Variants in ASB3 observed in about 807,000 individuals in gnomAD.
ASB3 encodes the protein ankyrin repeat and SOCS box protein 3.
In ASB3, 41 loss-of-function variants were observed where a neutral mutation model predicts 54.5. That is an observed-to-expected ratio of 0.75 (90% CI 0.59 to 0.98). The LOEUF is 0.98. Among genes scored for constraint, ASB3 ranks in the 50% least tolerant of loss-of-function variants. The pLI is 0.00. For synonymous variants in ASB3, 266 were observed against 221.2 expected (o/e 1.20, Z -1.80); for missense variants, 733 against 620.0 (o/e 1.18, Z -1.94).
intron 6 of ASB3, among the ~76,000 whole-genome samples, chr2:53,715,852 A>T (rs1388285277): frequency 6.6e-6 from 1 of 152,184 alleles, no homozygotes; most frequent in Non-Finnish European, 1.5e-5. Context: ...ATATTTTACT[A>T]TTACTTTTTA....
At chr2:53,769,537 C>T (rs190937072) in intron 1 of ASB3, among the ~76,000 whole-genome samples, 34 of 152,284 alleles carry the variant, frequency 2.2e-4, no homozygotes, top group Admixed American at 1.2e-3. Context: ...CACAACAGTC[C>T]GTGATTCTTT....
intron 2 of ASB3, among the ~76,000 whole-genome samples, chr2:53,759,100 A>G (rs1363595286): frequency 6.6e-6 from 1 of 152,202 alleles, no homozygotes; most frequent in African/African-American, 2.4e-5. Flanking sequence ...GAGTTTGGCA[A>G]TCTCTGGTAT....
intron 7 of ASB3, among the ~76,000 whole-genome samples, chr2:53,708,679 A>G (rs1034228432): frequency 3.3e-5 from 5 of 152,202 alleles, no homozygotes; most frequent in African/African-American, 1.2e-4. Context: ...TGGGCTGACA[A>G]GGTCTCAGAT....
chr2:53,728,824 C>A lies in ASB3; in HGVS notation c.492G>T (p.Leu164Phe). The change falls in exon 5 of 10, where the codon TTG (leucine) becomes TTT (phenylalanine). Residue 164 changes from leucine to phenylalanine, a missense_variant. Coordinates refer to ENST00000263634, the MANE Select transcript of ASB3 (RefSeq NM_016115.5). ...CCTTGTTTGCTCCTTTTCTAAGAAG[C>A]AATTTTATGATCTCAGCATTTTCCT... Reference protein sequence around the residue: ...SFQENAEIIKLLLRKGANKEC... With the variant: ...SFQENAEIIKFLLRKGANKEC... 2 of 1,609,916 alleles carry A rather than the reference C, an allele frequency of 1.2e-6. No homozygotes were observed. Among genetic ancestry groups the A allele is most frequent in the Non-Finnish European group, 1.7e-6 (2 of 1,177,892 alleles).
At chr2:53,748,287 TA>T (rs1333158250) in intron 3 of ASB3, 7 of 152,232 alleles carry the variant, frequency 4.6e-5, no homozygotes, top group African/African-American at 1.7e-4. Flanking sequence ...TCACCTTTTT[TA>T]CTCCTCCACG....
intron 5 of ASB3, among the ~76,000 whole-genome samples, chr2:53,724,676 T>C (rs942675176): frequency 2.0e-5 from 3 of 150,346 alleles, no homozygotes; most frequent in Non-Finnish European, 4.4e-5. Context: ...AACAAACACA[T>C]GAAGAATTGC....
chr2:53,679,018 A>G (rs1226487151), intron 9 of ASB3, among the ~76,000 whole-genome samples: 1 of 152,050 alleles, frequency 6.6e-6, no homozygotes, highest in African/African-American at 2.4e-5. Flanking sequence ...TGGAGACCTC[A>G]GGTCCCAACT....
rs1198746247 is a variant in ASB3, at chr2:53,782,805, A to C, written c.-14+4016T>G. ...AGAGCTCAATAATTTTTTTTTTTTT[A>C]GATGAAGTTTCACTTTTGTCATCCA... is the stretch of plus-strand genomic sequence containing the variant. On this transcript the variant is annotated intron_variant, in intron 1 of 9. Coordinates refer to ENST00000263634, the MANE Select transcript of ASB3 (RefSeq NM_016115.5). 2.0e-5 allele frequency among the ~76,000 whole-genome samples: 3 copies of C among 151,206 alleles called. No individual in the cohort carries two copies. The East Asian group carries it at 5.8e-4, about 29-fold the overall frequency.
chr2:53,758,093 A>T (rs1672936588), intron 2 of ASB3, among the ~76,000 whole-genome samples: 1 of 152,206 alleles, frequency 6.6e-6, no homozygotes, highest in Non-Finnish European at 1.5e-5. Flanking sequence ...TATTCCTTTA[A>T]AAGCCAGGGT....
intron 1 of ASB3, among the ~76,000 whole-genome samples, chr2:53,769,411 A>T (rs1359724787): frequency 2.0e-5 from 3 of 152,252 alleles, no homozygotes; most frequent in African/African-American, 7.2e-5. Context: ...ATATTTATGT[A>T]TGTGGCTATA....
At chr2:53,707,858 A>T (rs1669872025) in intron 7 of ASB3, among the ~76,000 whole-genome samples, 2 of 149,890 alleles carry the variant, frequency 1.3e-5, no homozygotes, top group Admixed American at 6.7e-5. Context: ...GCTATTCAGG[A>T]GGCTGACGCA....
intron 1 of ASB3, among the ~76,000 whole-genome samples, chr2:53,785,705 C>T (rs1434632212): frequency 1.3e-5 from 2 of 152,062 alleles, no homozygotes; most frequent in Admixed American, 6.5e-5. Flanking sequence ...TAGGGTGTAG[C>T]GGCGCGCGCC....
chr2:53,785,828 C>T (rs937141384), intron 1 of ASB3, among the ~76,000 whole-genome samples: 6 of 152,148 alleles, frequency 3.9e-5, no homozygotes, highest in African/African-American at 1.4e-4. Context: ...GGTGACAGAG[C>T]GAGACTTTGT....
chr2:53,768,224 T>A, intron 1 of ASB3: 1 of 578,760 alleles, frequency 1.7e-6, no homozygotes, highest in Non-Finnish European at 2.9e-6. Context: ...CGAAGCTGCT[T>A]AAGATGCCGG....
At chr2:53,770,492 T>C (rs1055348252) in intron 1 of ASB3, among the ~76,000 whole-genome samples, 32 of 119,576 alleles carry the variant, frequency 2.7e-4, no homozygotes, top group Non-Finnish European at 4.6e-4. Context: ...GTGGACGAAG[T>C]TTATTTAAAA....
chr2:53,718,331 T>G (rs1670512848), intron 5 of ASB3, among the ~76,000 whole-genome samples: 1 of 152,106 alleles, frequency 6.6e-6, no homozygotes, highest in African/African-American at 2.4e-5. Context: ...AGCAGAAACC[T>G]TACAAGGCAA....
chr2:53,742,395 A>G (rs1290628083), intron 3 of ASB3, among the ~76,000 whole-genome samples: 1 of 152,230 alleles, frequency 6.6e-6, no homozygotes, highest in Non-Finnish European at 1.5e-5. Flanking sequence ...CAAAGATACA[A>G]GAATAAAGGA....
chr2:53,727,400 TC>T (rs1462910690), intron 5 of ASB3, among the ~76,000 whole-genome samples: 1 of 152,146 alleles, frequency 6.6e-6, no homozygotes, highest in Non-Finnish European at 1.5e-5. Context: ...TACAGTGTAA[TC>T]CCAGCACTTT....
intron 2 of ASB3, among the ~76,000 whole-genome samples, chr2:53,758,577 G>A (rs1257485391): frequency 1.3e-5 from 2 of 152,154 alleles, no homozygotes; most frequent in Non-Finnish European, 2.9e-5. Context: ...AGGCAATATT[G>A]GGCATGCTGG....
Sources: gnomAD v4.1 joint callset for allele counts (sites outside exome capture counted in the v4.1 genomes callset) on GRCh38, gnomAD v4.1.1 for gene constraint, MANE v1.5 for transcripts, NCBI Gene and HGNC (gene_info 2026-07-23, HGNC 2026-07-21) for gene names.